VPS35L: variants seen among roughly 807,000 people sequenced by gnomAD.
The protein encoded by VPS35L is VPS35 endosomal protein sorting factor like, also known as VPS35 endosomal protein-sorting factor-like.
A neutral mutation model predicts 133.0 loss-of-function variants in VPS35L; 83 were observed. The ratio of observed to expected loss-of-function variants is 0.62; its 90% CI spans 0.52 to 0.75. The LOEUF (loss-of-function observed/expected upper bound fraction) is 0.75, where lower values mean the gene tolerates loss of function less well. Ranked by LOEUF, VPS35L falls within the 30% of genes least tolerant of loss-of-function variation. The pLI, the probability that VPS35L is intolerant of heterozygous loss-of-function variation, is 0.00. For missense variants in VPS35L, 1,083 were observed against 1,206.8 expected (o/e 0.90, Z 1.52); for synonymous variants, 423 against 449.9 (o/e 0.94, Z 0.76).
intron 1 of VPS35L, among the ~76,000 whole-genome samples, chr16:19,560,746 A>T (rs1971001932): frequency 6.6e-6 from 1 of 151,942 alleles, no homozygotes; most frequent in South Asian, 2.1e-4. Context: ...CAGTGAGCCG[A>T]GATCATGCCA....
intron 26 of VPS35L, among the ~76,000 whole-genome samples, chr16:19,666,584 A>G (rs930995604): frequency 6.6e-6 from 1 of 152,162 alleles, no homozygotes; most frequent in Non-Finnish European, 1.5e-5. Flanking sequence ...TCCGTCCTTT[A>G]GAGTGGAAAC....
At chr16:19,673,103 C>T (rs1054235707) in intron 27 of VPS35L, among the ~76,000 whole-genome samples, 5 of 152,170 alleles carry the variant, frequency 3.3e-5, no homozygotes, top group Admixed American at 6.5e-5. Flanking sequence ...GTGCCCACCT[C>T]AAATGACTCC....
Position 19,682,382 on chromosome 16 carries a change from T to C in VPS35L, c.2519T>C (p.Ile840Thr), listed in dbSNP as rs1328236312. The C allele has an allele frequency of 3.7e-6, 6 of 1,613,960 alleles. No individual in the cohort carries two copies. The highest frequency in any genetic ancestry group is 1.7e-4 in the Middle Eastern group (1 of 6,052). The change falls in exon 28 of 31, where the codon ATA becomes ACA. Residue 840 changes from isoleucine to threonine, a missense_variant. Coordinates refer to ENST00000417362, the MANE Select transcript of VPS35L (RefSeq NM_020314.7). ...AGCCAGGAGACGTACCTTTACCACA[T>C]AGACAAAGGTAGCAGAGCCTCCCCC... Reference protein sequence around the residue: ...AMSQETYLYHIDKVDSNDSLY... With the variant: ...AMSQETYLYHTDKVDSNDSLY...
intron 26 of VPS35L, among the ~76,000 whole-genome samples, chr16:19,660,864 T>C (rs1341453233): frequency 2.0e-5 from 3 of 152,182 alleles, no homozygotes; most frequent in African/African-American, 7.2e-5. Flanking sequence ...AATGTAGGAC[T>C]CTTAAAAAGT....
At chr16:19,623,766 TTTATTATTATTATTATTATTATTA>T (rs199933640) in intron 14 of VPS35L, among the ~76,000 whole-genome samples, 3 of 126,852 alleles carry the variant, frequency 2.4e-5, no homozygotes. Context: ...TACTTATTTA[TTTATTATTATTATTATTATTATTA>T]TTATTATTAT....
chr16:19,567,430 C>T (rs1304312691), intron 2 of VPS35L, among the ~76,000 whole-genome samples: 1 of 152,134 alleles, frequency 6.6e-6, no homozygotes, highest in Non-Finnish European at 1.5e-5. Flanking sequence ...GAACTGAGAA[C>T]AGAGTTCACC....
intron 6 of VPS35L, among the ~76,000 whole-genome samples, chr16:19,581,145 C>G (rs1229374444): frequency 2.6e-5 from 4 of 152,132 alleles, no homozygotes; most frequent in Non-Finnish European, 4.4e-5. Context: ...TCTCGATCAT[C>G]TAGTCCCATG....
Position 19,662,599 on chromosome 16 carries a change from C to T in VPS35L, c.2222-6561C>T, listed in dbSNP as rs115856385. On this transcript the variant is annotated intron_variant, in intron 26 of 30. Coordinates refer to ENST00000417362, the MANE Select transcript of VPS35L (RefSeq NM_020314.7). ...ACCTCCTGAGTAGAGAGCAGTCATA[C>T]ACCCACAGATGATCAAAGGTCGGTC... Among the ~76,000 whole-genome samples, 588 of 152,266 alleles carry T rather than the reference C, an allele frequency of 3.9e-3. 4 individuals are homozygous for T. The highest frequency in any genetic ancestry group is 0.013 in the African/African-American group (560 of 41,556).
chr16:19,690,254 A>T (rs918611540), intron 28 of VPS35L, among the ~76,000 whole-genome samples: 2 of 152,116 alleles, frequency 1.3e-5, no homozygotes, highest in Non-Finnish European at 2.9e-5. Context: ...AGCAGCACAG[A>T]GTGTGGTGTC....
chr16:19,617,349 C>T (rs1972929400), intron 14 of VPS35L: 1 of 176,460 alleles, frequency 5.7e-6, no homozygotes. Context: ...CAGAGCAAGA[C>T]ACTGTCTCAT....
chr16:19,697,270 T>G (rs11865875), intron 29 of VPS35L, among the ~76,000 whole-genome samples: 19,989 of 152,040 alleles, frequency 0.13, 4,261 homozygotes, highest in African/African-American at 0.45. Flanking sequence ...TTGCCCGGAG[T>G]GGGGAGGGGA....
At position 19,610,426 on chromosome 16, in the gene VPS35L, C is replaced by T. The variant is rs748451002; in HGVS notation, c.1023+11C>T. ...GCCTACCTGTGCCGGGTAGGCCATG[C>T]GAGTCACTGCCCTTGACGGCACGGC... is the stretch of plus-strand genomic sequence containing the variant. On this transcript the variant is annotated intron_variant, in intron 12 of 30. Coordinates refer to ENST00000417362, the MANE Select transcript of VPS35L (RefSeq NM_020314.7). 7 of 1,608,610 alleles carry T rather than the reference C, an allele frequency of 4.4e-6. No homozygotes were observed. Among genetic ancestry groups the T allele is most frequent in the African/African-American group, 4.0e-5 (3 of 74,734 alleles).
chr16:19,623,909 T>C (rs1033496946), intron 14 of VPS35L, among the ~76,000 whole-genome samples: 1 of 149,862 alleles, frequency 6.7e-6, no homozygotes, highest in Admixed American at 6.7e-5. Context: ...GCTCAAGTGA[T>C]GCCCCCACCT....
chr16:19,586,656 AG>A (rs1971874743), intron 7 of VPS35L, among the ~76,000 whole-genome samples: 1 of 152,104 alleles, frequency 6.6e-6, no homozygotes, highest in African/African-American at 2.4e-5. Context: ...TTTTACTTTC[AG>A]CTCCATTCTC....
intron 29 of VPS35L, among the ~76,000 whole-genome samples, chr16:19,698,692 T>C (rs11859776): frequency 0.34 from 52,113 of 152,010 alleles, 13,950 homozygotes; most frequent in African/African-American, 0.75. Context: ...GGAGCAGACA[T>C]GAGACTCTTG....
rs7184272 is a variant in VPS35L, at chr16:19,652,004, T to C, written c.2135T>C (p.Ile712Thr). Residue 712 changes from isoleucine to threonine, a missense_variant, in exon 26 of 31, where the codon ATC (isoleucine) becomes ACC (threonine). Ile to Thr is a moderately conservative substitution (Grantham distance 89). Coordinates refer to ENST00000417362, the MANE Select transcript of VPS35L (RefSeq NM_020314.7). ...RACVAYCFIT[I>T]PSLAGIFTRL... ...TGTGTTGCCTACTGCTTCATCACCA[T>C]CCCCTCCCTGGCGGGCATCTTCACA... 1,639 of 1,613,328 alleles carry C rather than the reference T, an allele frequency of 1.0e-3. 13 individuals are homozygous for C. In the African/African-American group the frequency reaches 0.017, roughly 16 times the overall value.
chr16:19,568,202 A>G (rs1052567784), intron 2 of VPS35L, among the ~76,000 whole-genome samples: 2 of 152,176 alleles, frequency 1.3e-5, no homozygotes, highest in Non-Finnish European at 2.9e-5. Flanking sequence ...AGAGCTACGT[A>G]GGGTGAGGCC....
chr16:19,613,558 C>T (rs1454220198), intron 12 of VPS35L, among the ~76,000 whole-genome samples: 2 of 152,130 alleles, frequency 1.3e-5, no homozygotes, highest in African/African-American at 4.8e-5. Flanking sequence ...TATATGATGG[C>T]CCATAGCGGC....
Position 19,565,201 on chromosome 16 carries a change from C to A in VPS35L, c.117+251C>A, listed in dbSNP as rs57594746. 5.8e-3 allele frequency among the ~76,000 whole-genome samples: 873 copies of A among 151,664 alleles called. 10 individuals carry two copies. Among genetic ancestry groups the A allele is most frequent in the African/African-American group, 0.02 (809 of 41,332 alleles). On this transcript the variant is annotated intron_variant, in intron 2 of 30. Coordinates refer to ENST00000417362, the MANE Select transcript of VPS35L (RefSeq NM_020314.7). The stretch of plus-strand genomic sequence containing the variant: ...CCGAGTAGCTGGGGCTATAGGCACA[C>A]GCCACCATGCCTGGCTAAGTTTTTG...
Sources: allele counts gnomAD v4.1 joint callset (sites outside exome capture counted in the v4.1 genomes callset), GRCh38; gene constraint gnomAD v4.1.1; transcripts MANE v1.5; gene names NCBI Gene and HGNC (gene_info 2026-07-23, HGNC 2026-07-21).